Variants in GRIK1 observed in about 807,000 individuals in gnomAD.
GRIK1 encodes the protein glutamate receptor ionotropic, kainate 1.
A neutral mutation model predicts 105.7 loss-of-function variants in GRIK1; 69 were observed. That is an observed-to-expected ratio of 0.65 (90% confidence interval 0.54 to 0.80). GRIK1 has a LOEUF of 0.80. GRIK1 is among the 30% of genes least tolerant of loss of function. GRIK1 has a pLI of 0.00. For synonymous variants in GRIK1, 438 were observed against 431.3 expected (o/e 1.02, Z -0.19); for missense variants, 1,109 against 1,167.3 (o/e 0.95, Z 0.73).
intron 7 of GRIK1, among the ~76,000 whole-genome samples, chr21:29,624,066 A>G (rs1352018960): frequency 6.6e-6 from 1 of 152,248 alleles, no homozygotes; most frequent in Non-Finnish European, 1.5e-5. Context: ...CAAACTTAGT[A>G]GAGGTTCAAA....
At chr21:29,869,928 G>T (rs467468) in intron 1 of GRIK1, among the ~76,000 whole-genome samples, 83,549 of 151,916 alleles carry the variant, frequency 0.55, 27,752 homozygotes, top group Non-Finnish European at 0.74. Flanking sequence ...AGTGTAAACT[G>T]CACTTTTGCA....
At chr21:29,552,872 C>T (rs866838935) in intron 16 of GRIK1, among the ~76,000 whole-genome samples, 32 of 152,160 alleles carry the variant, frequency 2.1e-4, no homozygotes, top group African/African-American at 7.2e-4. Context: ...TTATTCTTGA[C>T]TGTGTTCTGT....
At chr21:29,644,369 C>A (rs970861043) in intron 6 of GRIK1, among the ~76,000 whole-genome samples, 1 of 152,104 alleles carries the variant, frequency 6.6e-6, no homozygotes, top group East Asian at 1.9e-4. Context: ...GCTTTGGTGA[C>A]TAACATGGTT....
chr21:29,846,895 G>A (rs947678217), intron 1 of GRIK1, among the ~76,000 whole-genome samples: 6 of 152,052 alleles, frequency 3.9e-5, no homozygotes, highest in Admixed American at 1.3e-4. Context: ...GTATGTATGT[G>A]TGTATATGTG....
chr21:29,566,430 T>G (rs1305447585), intron 14 of GRIK1, among the ~76,000 whole-genome samples: 1 of 152,206 alleles, frequency 6.6e-6, no homozygotes, highest in Non-Finnish European at 1.5e-5. Context: ...ATAAATGCAT[T>G]TTATCTGTTT....
chr21:29,562,923 C>G (rs940558085), intron 14 of GRIK1, among the ~76,000 whole-genome samples: 1 of 145,466 alleles, frequency 6.9e-6, no homozygotes. Flanking sequence ...TTTCATATTA[C>G]TTAAATATGA....
At chr21:29,587,620 A>C in intron 11 of GRIK1, 31 bp from the exon 12 acceptor site, 1 of 1,343,254 alleles carries the variant, frequency 7.4e-7, no homozygotes, top group South Asian at 1.2e-5. Flanking sequence ...TTGTCAGCTT[A>C]GTCTAGTTTC....
At chr21:29,738,295 G>C (rs1377967655) in intron 1 of GRIK1, among the ~76,000 whole-genome samples, 1 of 152,230 alleles carries the variant, frequency 6.6e-6, no homozygotes, top group Non-Finnish European at 1.5e-5. Context: ...GTATATGCAT[G>C]CATTTCTCTT....
At chr21:29,589,087 G>C (rs1447380793) in intron 10 of GRIK1, 45 bp from the exon 11 acceptor site, 6 of 1,078,670 alleles carry the variant, frequency 5.6e-6, no homozygotes, top group African/African-American at 4.7e-5. Flanking sequence ...ATAATGAAAG[G>C]AAGAGTTTAC....
At chr21:29,773,268 G>A (rs985156365) in intron 1 of GRIK1, among the ~76,000 whole-genome samples, 7 of 152,170 alleles carry the variant, frequency 4.6e-5, no homozygotes, top group African/African-American at 9.7e-5. Flanking sequence ...AAATGCACAG[G>A]ACACAGAGGG....
At chr21:29,566,764 T>C (rs2090620510) in intron 14 of GRIK1, among the ~76,000 whole-genome samples, 1 of 152,192 alleles carries the variant, frequency 6.6e-6, no homozygotes, top group African/African-American at 2.4e-5. Context: ...ATGAAAGACG[T>C]ACCATTATTA....
chr21:29,717,836 G>A (rs1285222844), intron 1 of GRIK1, among the ~76,000 whole-genome samples: 1 of 152,176 alleles, frequency 6.6e-6, no homozygotes, highest in East Asian at 1.9e-4. Flanking sequence ...GAGGGGCAAA[G>A]GGCTGAATGA....
intron 1 of GRIK1, among the ~76,000 whole-genome samples, chr21:29,819,163 C>T (rs142394305): frequency 6.6e-6 from 1 of 152,034 alleles, no homozygotes; most frequent in Non-Finnish European, 1.5e-5. Flanking sequence ...AAATACTATT[C>T]GACAAGAAAG....
intron 1 of GRIK1, among the ~76,000 whole-genome samples, chr21:29,803,537 A>G (rs1200531878): frequency 6.6e-6 from 1 of 152,044 alleles, no homozygotes; most frequent in African/African-American, 2.4e-5. Context: ...CTTCAAAGAC[A>G]ATTTTGGGTA....
In GRIK1 at chr21:29,579,989, A is replaced by G. The variant is rs999588062; in HGVS notation, c.1912+1436T>C. Among the ~76,000 whole-genome samples, 93 of 116,508 alleles carry G rather than the reference A, an allele frequency of 8.0e-4. 1 individual carries two copies. Among genetic ancestry groups the G allele is most frequent in the Admixed American group, 1.8e-3 (22 of 12,086 alleles). The allele number at this position is 116,508 out of a possible 152,430, so 76.4% of individuals were successfully genotyped here. ...TGTATATATATATATATATGTGTGTATATATATGTATATATATGTATATAT... is the reference window on the plus strand; with the variant it reads ...TGTATATATATATATATATGTGTGTGTATATATGTATATATATGTATATAT... On this transcript the variant is annotated intron_variant, in intron 13 of 17. Coordinates refer to ENST00000327783, the MANE Select transcript of GRIK1 (RefSeq NM_001330994.2).
chr21:29,607,951 A>G (rs2061655202), intron 7 of GRIK1, among the ~76,000 whole-genome samples: 2 of 152,188 alleles, frequency 1.3e-5, no homozygotes, highest in South Asian at 4.1e-4. Flanking sequence ...TGGAATTTCC[A>G]TGTTTCTATT....
intron 1 of GRIK1, among the ~76,000 whole-genome samples, chr21:29,712,083 T>TACACACACACACACACACACAC (rs56017389): frequency 4.4e-5 from 6 of 135,306 alleles, no homozygotes; most frequent in Non-Finnish European, 6.4e-5. Context: ...TATACATACA[T>TACACACACACACACACACACAC]ACACACACAC....
At chr21:29,745,953 A>G (rs1375506301) in intron 1 of GRIK1, among the ~76,000 whole-genome samples, 2 of 152,076 alleles carry the variant, frequency 1.3e-5, no homozygotes, top group Non-Finnish European at 2.9e-5. Context: ...AATACAAAAA[A>G]ATTAGCCAGG....
At chr21:29,739,310 G>A (rs1339080639) in intron 1 of GRIK1, among the ~76,000 whole-genome samples, 1 of 152,116 alleles carries the variant, frequency 6.6e-6, no homozygotes. Context: ...GAGAGGAAAC[G>A]GAATAAGGGA....
Sources: allele counts gnomAD v4.1 joint callset (sites outside exome capture counted in the v4.1 genomes callset), GRCh38; gene constraint gnomAD v4.1.1; transcripts MANE v1.5; gene names NCBI Gene and HGNC (gene_info 2026-07-23, HGNC 2026-07-21).